Variants in PALM2AKAP2 observed in about 807,000 individuals in gnomAD.
PALM2AKAP2 encodes PALM2-AKAP2 fusion protein.
Under a neutral mutation model 71.5 loss-of-function variants are expected in PALM2AKAP2, and 37 were observed. The ratio of observed to expected loss-of-function variants is 0.52; its 90% CI spans 0.40 to 0.68. The LOEUF is 0.68. PALM2AKAP2 is among the 30% of genes least tolerant of loss of function. The pLI is 0.00. For synonymous variants in PALM2AKAP2, 468 were observed against 478.8 expected, an observed-to-expected ratio of 0.98 and a Z score of 0.29; for missense variants, 1,224 against 1,191.8, an observed-to-expected ratio of 1.03 and a Z score of -0.40.
At chr9:109,910,649 GGACTT>G (rs1426402688) in intron 3 of PALM2AKAP2, among the ~76,000 whole-genome samples, 1 of 152,216 alleles carries the variant, frequency 6.6e-6, no homozygotes, top group Non-Finnish European at 1.5e-5. Context: ...TGGCAGTCAT[GGACTT>G]GACTAGGAGC....
At chr9:109,651,676 T>A (rs747222205) in intron 1 of PALM2AKAP2, among the ~76,000 whole-genome samples, 4 of 152,188 alleles carry the variant, frequency 2.6e-5, no homozygotes, top group Admixed American at 2.0e-4. Context: ...GGAAGAGATA[T>A]TGAGTGTTGT....
intron 1 of PALM2AKAP2, among the ~76,000 whole-genome samples, chr9:109,717,449 A>T (rs1443952471): frequency 6.6e-6 from 1 of 152,200 alleles, no homozygotes; most frequent in Non-Finnish European, 1.5e-5. Context: ...TTGTGCCAGG[A>T]AGGTGTGTGG....
chr9:109,850,657 G>A (rs1205631505), intron 1 of PALM2AKAP2, among the ~76,000 whole-genome samples: 2 of 152,198 alleles, frequency 1.3e-5, no homozygotes, highest in Non-Finnish European at 2.9e-5. Context: ...TCATTGACTT[G>A]TGGCTAAAGC....
intron 3 of PALM2AKAP2, among the ~76,000 whole-genome samples, chr9:109,895,853 T>A (rs571013107): frequency 2.0e-4 from 31 of 152,176 alleles, no homozygotes; most frequent in Non-Finnish European, 3.7e-4. Context: ...AGCAAACACA[T>A]CCTTCTTTAC....
intron 1 of PALM2AKAP2, among the ~76,000 whole-genome samples, chr9:109,747,662 C>T (rs1828822592): frequency 6.6e-6 from 1 of 151,994 alleles, no homozygotes; most frequent in Non-Finnish European, 1.5e-5. Context: ...AATACTGTAA[C>T]TCCATAATTT....
At chr9:109,789,429 C>T (rs1414032208) in intron 1 of PALM2AKAP2, among the ~76,000 whole-genome samples, 4 of 152,184 alleles carry the variant, frequency 2.6e-5, no homozygotes, top group African/African-American at 9.7e-5. Context: ...TTTATGAAGC[C>T]AGTCTGTGTA....
upstream of PALM2AKAP2, among the ~76,000 whole-genome samples, chr9:110,045,907 G>T (rs1010750477): frequency 2.0e-5 from 3 of 152,166 alleles, no homozygotes; most frequent in African/African-American, 7.2e-5. Flanking sequence ...GTGGTCTTTA[G>T]TACTGGCTTC....
At chr9:109,956,176 T>G (rs914193512) in intron 6 of PALM2AKAP2, among the ~76,000 whole-genome samples, 1 of 152,030 alleles carries the variant, frequency 6.6e-6, no homozygotes, top group Middle Eastern at 3.4e-3. Flanking sequence ...GGCTAATTTT[T>G]GTATTTTTAG....
intron 1 of PALM2AKAP2, among the ~76,000 whole-genome samples, chr9:109,785,989 G>A (rs1350060560): frequency 6.6e-6 from 1 of 152,234 alleles, no homozygotes; most frequent in Non-Finnish European, 1.5e-5. Context: ...TTCTCACCAA[G>A]GGGTCAGCTA....
chr9:109,895,411 A>C (rs759765545), intron 3 of PALM2AKAP2, among the ~76,000 whole-genome samples: 19 of 152,210 alleles, frequency 1.2e-4, no homozygotes, highest in Non-Finnish European at 2.2e-4. Flanking sequence ...TCCCAGCTGA[A>C]TCTGTAAATA....
chr9:109,763,564 T>G (rs1039989371), intron 1 of PALM2AKAP2, among the ~76,000 whole-genome samples: 1 of 152,162 alleles, frequency 6.6e-6, no homozygotes, highest in African/African-American at 2.4e-5. Flanking sequence ...CTATGTTAGT[T>G]TCCTAGGGAT....
intron 1 of PALM2AKAP2, among the ~76,000 whole-genome samples, chr9:110,111,510 A>T (rs949921050): frequency 6.6e-6 from 1 of 152,224 alleles, no homozygotes; most frequent in Admixed American, 6.5e-5. Context: ...GACTTGACTA[A>T]GTTGGGAGCT....
exon 4 of PALM2AKAP2, chr9:110,172,086 C>A (rs1229736229): frequency 6.6e-6 from 1 of 152,502 alleles, no homozygotes; most frequent in Non-Finnish European, 1.5e-5. Context: ...ACAAGGAACA[C>A]TAAAACAGTG....
At chr9:109,686,568 A>G (rs1245600632) in intron 1 of PALM2AKAP2, among the ~76,000 whole-genome samples, 1 of 152,228 alleles carries the variant, frequency 6.6e-6, no homozygotes, top group African/African-American at 2.4e-5. Flanking sequence ...TCAGTAAACC[A>G]TGCTGTAAAC....
intron 2 of PALM2AKAP2, 52 bp from the exon 3 acceptor site, chr9:109,880,499 A>C: frequency 6.2e-7 from 1 of 1,605,348 alleles, no homozygotes; most frequent in African/African-American, 1.3e-5. Context: ...GGGAGAGGAC[A>C]GTGTGGACTG....
chr9:110,140,237 A>G (rs1199880833), intron 2 of PALM2AKAP2, among the ~76,000 whole-genome samples: 4 of 152,266 alleles, frequency 2.6e-5, no homozygotes, highest in African/African-American at 7.2e-5. Context: ...TTTTATCCGC[A>G]ACTTGTTCAG....
chr9:109,777,307 C>T (rs1257387898), upstream of PALM2AKAP2, among the ~76,000 whole-genome samples: 1 of 152,192 alleles, frequency 6.6e-6, no homozygotes. Flanking sequence ...ATGTGATGCT[C>T]ATCTGAATGT....
chr9:109,817,956 A>T (rs1351129206), intron 1 of PALM2AKAP2, among the ~76,000 whole-genome samples: 1 of 152,214 alleles, frequency 6.6e-6, no homozygotes, highest in African/African-American at 2.4e-5. Flanking sequence ...CGTTAAGTGG[A>T]TCTCCCACAT....
intron 1 of PALM2AKAP2, among the ~76,000 whole-genome samples, chr9:110,052,452 A>C (rs572399463): frequency 6.6e-6 from 1 of 152,200 alleles, no homozygotes; most frequent in African/African-American, 2.4e-5. Context: ...ACTGTTCACA[A>C]TTTGGACATT....
Sources: gnomAD v4.1 joint callset for allele counts (sites outside exome capture counted in the v4.1 genomes callset) on GRCh38, gnomAD v4.1.1 for gene constraint, MANE v1.5 for transcripts, NCBI Gene and HGNC (gene_info 2026-07-23, HGNC 2026-07-21) for gene names.